Variants in TNIK observed in about 807,000 individuals in gnomAD.
The protein encoded by TNIK is TRAF2 and NCK-interacting protein kinase.
A neutral mutation model predicts 191.3 loss-of-function variants in TNIK; 49 were observed. The ratio of observed to expected loss-of-function variants is 0.26; its 90% CI spans 0.20 to 0.32. The LOEUF is 0.32. Among genes scored for constraint, TNIK ranks in the 10% least tolerant of loss-of-function variants. TNIK has a pLI of 1.00. For missense variants in TNIK, 1,155 were observed against 1,702.3 expected, an observed-to-expected ratio of 0.68 and a Z score of 5.66; for synonymous variants, 594 against 600.9, an observed-to-expected ratio of 0.99 and a Z score of 0.17.
chr3:171,395,829 A>G (rs1577765658), intron 1 of TNIK, among the ~76,000 whole-genome samples: 1 of 152,126 alleles, frequency 6.6e-6, no homozygotes. Flanking sequence ...CCACTTGGAA[A>G]TCATCTGACT....
chr3:171,172,888 T>C (rs927564462), intron 9 of TNIK, among the ~76,000 whole-genome samples: 2 of 152,174 alleles, frequency 1.3e-5, no homozygotes, highest in Admixed American at 6.5e-5. Context: ...TTAAAATTAG[T>C]TGTTGTCAAA....
chr3:171,196,999 C>T (rs1330348677), intron 4 of TNIK, among the ~76,000 whole-genome samples: 1 of 152,218 alleles, frequency 6.6e-6, no homozygotes, highest in Non-Finnish European at 1.5e-5. Context: ...TTGTGATCCG[C>T]CCGCCTCGGC....
chr3:171,090,217 A>G (rs1427823112), intron 23 of TNIK, among the ~76,000 whole-genome samples: 1 of 152,130 alleles, frequency 6.6e-6, no homozygotes, highest in South Asian at 2.1e-4. Context: ...GATTAGGGTA[A>G]GGAGAGACAG....
At chr3:171,186,691 A>T (rs1409797261) in intron 7 of TNIK, among the ~76,000 whole-genome samples, 1 of 152,204 alleles carries the variant, frequency 6.6e-6, no homozygotes, top group African/African-American at 2.4e-5. Flanking sequence ...TTAAAAAAAC[A>T]CACAGACATT....
intron 2 of TNIK, among the ~76,000 whole-genome samples, chr3:171,270,202 C>A (rs1227978174): frequency 6.6e-6 from 1 of 152,108 alleles, no homozygotes; most frequent in Non-Finnish European, 1.5e-5. Context: ...AGGTCACTCA[C>A]TAAATTTTAA....
chr3:171,347,617 A>C (rs538609374), intron 2 of TNIK, among the ~76,000 whole-genome samples: 1 of 152,310 alleles, frequency 6.6e-6, no homozygotes, highest in East Asian at 1.9e-4. Context: ...TTTAGCGTAC[A>C]ATACCCAGGA....
At chr3:171,145,022 GTTCA>G (rs1731343502) in intron 12 of TNIK, among the ~76,000 whole-genome samples, 1 of 151,236 alleles carries the variant, frequency 6.6e-6, no homozygotes, top group South Asian at 2.1e-4. Context: ...GGACACTTGG[GTTCA>G]TTCCATATCT....
Position 171,128,712 on chromosome 3 carries a change from A to G in TNIK, c.1773+2T>C, listed in dbSNP as rs1338315220. 6.2e-7 allele frequency: 1 copy of G among 1,611,392 alleles called. No homozygotes were observed. Among genetic ancestry groups the G allele is most frequent in the Admixed American group, 1.7e-5 (1 of 59,546 alleles). On this transcript the variant is annotated splice_donor_variant, in intron 16 of 32. Coordinates refer to ENST00000436636, the MANE Select transcript of TNIK (RefSeq NM_015028.4). LOFTEE classifies it high-confidence loss of function. ...GCCTGATGGAATGGAGGCAGACTGT[A>G]CCTGGGGATCGACTGGTCTGAGCAT...
chr3:171,117,128 G>C (rs1726846366), intron 18 of TNIK, among the ~76,000 whole-genome samples: 1 of 152,158 alleles, frequency 6.6e-6, no homozygotes, highest in Non-Finnish European at 1.5e-5. Context: ...ACTTCGAAAA[G>C]GTAGTAAATA....
intron 9 of TNIK, among the ~76,000 whole-genome samples, chr3:171,170,767 C>T (rs1469906269): frequency 6.6e-6 from 1 of 152,178 alleles, no homozygotes; most frequent in Non-Finnish European, 1.5e-5. Context: ...ATCCCCACTT[C>T]TGGCCAGGTG....
rs1240330043 is a variant in TNIK, at chr3:171,236,715, G to A, written c.124-8494C>T. Among the ~76,000 whole-genome samples the A allele has an allele frequency of 2.0e-5, 3 of 152,178 alleles. No homozygotes were observed. In the East Asian group the frequency reaches 5.8e-4, roughly 29 times the overall value. ...TCCCTCTCTAAGGACTACTTTATGAGGCAACTCTGTCTTTCCCCTCAGGAC... is the reference window on the plus strand; with the variant it reads ...TCCCTCTCTAAGGACTACTTTATGAAGCAACTCTGTCTTTCCCCTCAGGAC... On this transcript the variant is annotated intron_variant, in intron 2 of 32. Transcript: ENST00000436636.
chr3:171,259,594 T>C (rs1225795440), intron 2 of TNIK, among the ~76,000 whole-genome samples: 1 of 152,118 alleles, frequency 6.6e-6, no homozygotes, highest in East Asian at 1.9e-4. Flanking sequence ...AATAACCCAA[T>C]AGATTACTAT....
At chr3:171,129,317 G>C (rs1028836387) in intron 15 of TNIK, among the ~76,000 whole-genome samples, 5 of 152,212 alleles carry the variant, frequency 3.3e-5, no homozygotes, top group Non-Finnish European at 2.9e-5. Flanking sequence ...GAACATGAGA[G>C]GAAGAACAAG....
intron 2 of TNIK, among the ~76,000 whole-genome samples, chr3:171,236,117 G>A (rs1286020529): frequency 6.6e-6 from 1 of 150,708 alleles, no homozygotes; most frequent in Non-Finnish European, 1.5e-5. Flanking sequence ...CTCTAACATT[G>A]CCTGGGACAG....
chr3:171,126,226 G>GT, intron 16 of TNIK, 75 bp from the exon 17 acceptor site: 3 of 1,363,528 alleles, frequency 2.2e-6, no homozygotes, highest in Non-Finnish European at 2.8e-6. Context: ...GTGAGCTGAA[G>GT]GAAAAAAAAA....
chr3:171,313,641 CA>C (rs965620178), intron 2 of TNIK, among the ~76,000 whole-genome samples: 3 of 151,858 alleles, frequency 2.0e-5, no homozygotes, highest in African/African-American at 7.3e-5. Flanking sequence ...CATGAAATAA[CA>C]AACATGTAGC....
intron 2 of TNIK, among the ~76,000 whole-genome samples, chr3:171,240,675 AG>A (rs1158603743): frequency 6.6e-6 from 1 of 152,140 alleles, no homozygotes; most frequent in East Asian, 1.9e-4. Flanking sequence ...CGCTGCCTTC[AG>A]GTCTTGACTT....
At chr3:171,108,208 A>T in intron 19 of TNIK, 46 bp from the exon 20 acceptor site, 1 of 1,440,490 alleles carries the variant, frequency 6.9e-7, no homozygotes, top group East Asian at 2.5e-5. Context: ...GCCATCAAAA[A>T]GTGCTGGCTC....
At chr3:171,348,346 A>G (rs923408839) in intron 2 of TNIK, among the ~76,000 whole-genome samples, 6 of 152,200 alleles carry the variant, frequency 3.9e-5, no homozygotes, top group Admixed American at 3.9e-4. Context: ...CATAAAGAGA[A>G]TCCATCTAAA....
Sources: gnomAD v4.1 joint callset for allele counts (sites outside exome capture counted in the v4.1 genomes callset) on GRCh38, gnomAD v4.1.1 for gene constraint, MANE v1.5 for transcripts, NCBI Gene and HGNC (gene_info 2026-07-23, HGNC 2026-07-21) for gene names.